Variants in TMEM181 observed in about 807,000 individuals in gnomAD.
The protein encoded by TMEM181 is transmembrane protein 181, also known as G protein-coupled receptor 178.
A neutral mutation model predicts 71.9 loss-of-function variants in TMEM181; 39 were observed. The observed-to-expected ratio is 0.54, with a 90% CI of 0.42 to 0.71. The LOEUF (loss-of-function observed/expected upper bound fraction) is 0.71, where lower values mean the gene tolerates loss of function less well. Among genes scored for constraint, TMEM181 ranks in the 30% least tolerant of loss-of-function variants. TMEM181 has a pLI of 0.00. For synonymous variants in TMEM181, 245 were observed against 228.8 expected, an observed-to-expected ratio of 1.07 and a Z score of -0.64; for missense variants, 595 against 583.0, an observed-to-expected ratio of 1.02 and a Z score of -0.21.
chr6:158,607,346 G>A lies in TMEM181; in HGVS notation c.673+3G>A. The A allele has an allele frequency of 6.2e-7, 1 of 1,613,076 alleles. No individual in the cohort carries two copies. Among genetic ancestry groups the A allele is most frequent in the Non-Finnish European group, 8.5e-7 (1 of 1,179,178 alleles). ...GCCTCTGCTGCTACTTTACAATGGTGGGTAGTTCCATTTTTACTTAGGAAC... is the reference window on the plus strand; with the variant it reads ...GCCTCTGCTGCTACTTTACAATGGTAGGTAGTTCCATTTTTACTTAGGAAC... On this transcript the variant is annotated splice_donor_region_variant and intron_variant, in intron 8 of 16. Transcript: ENST00000684151.
At position 158,635,172 on chromosome 6, in the gene TMEM181, TCTG is replaced by T. The variant is rs1311065955; in HGVS notation, c.*3287_*3289del. 1.3e-5 allele frequency: 2 copies of T among 152,256 alleles called. No homozygotes were observed. Among genetic ancestry groups the T allele is most frequent in the Non-Finnish European group, 1.5e-5 (1 of 68,042 alleles). 9.4% of individuals were successfully genotyped at this position (152,256 alleles called of 1,614,324 possible). On this transcript the variant is annotated 3_prime_UTR_variant, in exon 17 of 17. Transcript: ENST00000684151. ...ACCATACTATAAAACAGAAGAATTT[TCTG>T]CTACTAAAAACTGCCTTTTTACAAA...
chr6:158,625,698 T>C lies in TMEM181; in HGVS notation c.1058-5T>C, dbSNP rs975248755. 6.2e-7 allele frequency: 1 copy of C among 1,607,114 alleles called. No individual in the cohort carries two copies. Among genetic ancestry groups the C allele is most frequent in the Non-Finnish European group, 8.5e-7 (1 of 1,178,078 alleles). ...GAGTTGTTAATGAGTTTCTTTCTTT[T>C]TCAGATCTCAGGTTGAAATTTTTGA... On this transcript the variant is annotated splice_region_variant and splice_polypyrimidine_tract_variant and intron_variant, in intron 12 of 16. Transcript: ENST00000684151.
intron 10 of TMEM181, among the ~76,000 whole-genome samples, chr6:158,609,160 A>G (rs985052062): frequency 3.3e-5 from 5 of 152,072 alleles, no homozygotes; most frequent in Non-Finnish European, 5.9e-5. Context: ...TCATCCAGAA[A>G]AGAATCAGCT....
intron 13 of TMEM181, 150 bp downstream of exon 13, chr6:158,625,904 A>C (rs1554230316): frequency 1.4e-6 from 1 of 712,162 alleles, no homozygotes; most frequent in Non-Finnish European, 2.4e-6. Flanking sequence ...AAGGCTGGGC[A>C]GCCGAGAGCA....
At chr6:158,553,187 T>C (rs796094049) in intron 1 of TMEM181, among the ~76,000 whole-genome samples, 5 of 94,236 alleles carry the variant, frequency 5.3e-5, no homozygotes, top group African/African-American at 1.9e-4. Context: ...GGTCCCTGTC[T>C]CCGAAAAAAA....
chr6:158,544,521 G>A (rs1274448843), intron 1 of TMEM181, among the ~76,000 whole-genome samples: 2 of 152,140 alleles, frequency 1.3e-5, no homozygotes, highest in African/African-American at 2.4e-5. Context: ...GGCAGAAGGC[G>A]GCTGAAAGCT....
chr6:158,584,230 G>A (rs143884213), intron 4 of TMEM181, among the ~76,000 whole-genome samples, 186 bp downstream of exon 4: 167 of 152,332 alleles, frequency 1.1e-3, no homozygotes, highest in Non-Finnish European at 1.2e-3. Flanking sequence ...AGAAAGTTGC[G>A]ATAGATAGAC....
intron 15 of TMEM181, 21 bp downstream of exon 15, chr6:158,629,840 G>C: frequency 6.2e-7 from 1 of 1,602,690 alleles, no homozygotes; most frequent in Non-Finnish European, 8.5e-7. Flanking sequence ...CTGGGGTCTG[G>C]ACTGCTGGCC....
intron 1 of TMEM181, among the ~76,000 whole-genome samples, chr6:158,544,830 T>C (rs1781473352): frequency 6.6e-6 from 1 of 152,212 alleles, no homozygotes; most frequent in Admixed American, 6.5e-5. Flanking sequence ...TAGTCCCTCT[T>C]TTCCTATCCC....
intron 1 of TMEM181, among the ~76,000 whole-genome samples, chr6:158,553,991 C>T (rs1018102376): frequency 4.7e-4 from 71 of 152,166 alleles, no homozygotes; most frequent in African/African-American, 1.7e-3. Context: ...GCCAGAACCC[C>T]CACCTCCCGG....
chr6:158,613,951 C>T (rs1562308976), intron 10 of TMEM181, among the ~76,000 whole-genome samples: 1 of 152,096 alleles, frequency 6.6e-6, no homozygotes, highest in African/African-American at 2.4e-5. Context: ...ACACAATTGA[C>T]AAATAAATTT....
At chr6:158,629,864 A>C (rs1786563733) in intron 15 of TMEM181, 45 bp downstream of exon 15, 2 of 1,508,000 alleles carry the variant, frequency 1.3e-6, no homozygotes, top group Non-Finnish European at 9.2e-7. Context: ...TAGCGGGCAC[A>C]GAGGCCTGTG....
chr6:158,597,767 A>G (rs1048071412), intron 6 of TMEM181, among the ~76,000 whole-genome samples: 1 of 151,844 alleles, frequency 6.6e-6, no homozygotes, highest in Non-Finnish European at 1.5e-5. Context: ...TGGCCTCCCA[A>G]AGTGTTGGGA....
chr6:158,625,336 G>A (rs902873517), intron 12 of TMEM181, 130 bp downstream of exon 12: 13 of 783,828 alleles, frequency 1.7e-5, no homozygotes, highest in African/African-American at 1.5e-4. Context: ...CCCACAGGCT[G>A]GGGACCAGGG....
Position 158,608,719 on chromosome 6 carries a change from T to C in TMEM181, c.865T>C (p.Leu289=). 1 of 1,613,612 alleles carries C rather than the reference T, an allele frequency of 6.2e-7. No individual in the cohort carries two copies. The highest frequency in any genetic ancestry group is 1.3e-5 in the African/African-American group (1 of 75,036). ...PKFFIVGLLW[L]ASVTLGIWQT... ...ATTCTTCATTGTTGGACTATTGTGG[T>C]TGGCTTCTGTTACGCTAGGAATATG... Residue 289 remains leucine, a synonymous_variant, in exon 10 of 17, where the codon TTG becomes CTG. Transcript: ENST00000684151.
chr6:158,631,675 C>A, intron 16 of TMEM181, 135 bp from the exon 17 acceptor site: 1 of 1,006,628 alleles, frequency 9.9e-7, no homozygotes, highest in Non-Finnish European at 1.5e-6. Context: ...ACGGGGTGAG[C>A]AGTAGCAGTT....
chr6:158,605,336 T>C lies in TMEM181; in HGVS notation c.562T>C (p.Phe188Leu), dbSNP rs747552701. The C allele has an allele frequency of 6.2e-7, 1 of 1,614,030 alleles. No individual in the cohort carries two copies. The highest frequency in any genetic ancestry group is 1.1e-5 in the South Asian group (1 of 91,082). The stretch of plus-strand genomic sequence containing the variant: ...CCGGTTTTTCTTTGTGGTGCTCACC[T>C]TCATCGTCACTGTGAGTACCATTCG... Reference protein sequence around the residue: ...WFRFFFVVLTFIVTCLFAHSL... With the variant: ...WFRFFFVVLTLIVTCLFAHSL... Residue 188 changes from phenylalanine to leucine, a missense_variant, in exon 7 of 17, where the codon TTC (phenylalanine) becomes CTC (leucine). Phe to Leu is a conservative substitution (Grantham distance 22). Coordinates refer to ENST00000684151, the MANE Select transcript of TMEM181 (RefSeq NM_001376852.1).
At chr6:158,548,166 C>T (rs912438618) in intron 1 of TMEM181, among the ~76,000 whole-genome samples, 2 of 152,122 alleles carry the variant, frequency 1.3e-5, no homozygotes, top group Non-Finnish European at 2.9e-5. Context: ...AGATTGTTTC[C>T]GAACACAGTA....
At chr6:158,586,199 G>C (rs1344746789) in intron 5 of TMEM181, among the ~76,000 whole-genome samples, 2 of 152,206 alleles carry the variant, frequency 1.3e-5, no homozygotes, top group Non-Finnish European at 2.9e-5. Context: ...GATTTCATTG[G>C]CACTGTATTC....
Sources: allele counts gnomAD v4.1 joint callset (sites outside exome capture counted in the v4.1 genomes callset), GRCh38; gene constraint gnomAD v4.1.1; transcripts MANE v1.5; gene names NCBI Gene and HGNC (gene_info 2026-07-23, HGNC 2026-07-21).